CLYBL: variants seen among roughly 807,000 people sequenced by gnomAD.
The protein encoded by CLYBL is citramalyl-CoA lyase, mitochondrial.
CLYBL carries 31 observed loss-of-function variants against 38.9 expected under a neutral mutation model. That is an observed-to-expected ratio of 0.80 (90% CI 0.60 to 1.08). The LOEUF is 1.08. Among genes scored for constraint, CLYBL ranks in the 50% least tolerant of loss-of-function variants. The pLI is 0.00. For missense variants in CLYBL, 434 were observed against 411.6 expected, an observed-to-expected ratio of 1.05 and a Z score of -0.47; for synonymous variants, 171 against 158.6, an observed-to-expected ratio of 1.08 and a Z score of -0.59.
chr13:99,881,055 A>G (rs2052194093), intron 7 of CLYBL, among the ~76,000 whole-genome samples: 2 of 152,134 alleles, frequency 1.3e-5, no homozygotes, highest in African/African-American at 4.8e-5. Context: ...TGCAACATGA[A>G]TGCCACCCCA....
intron 7 of CLYBL, chr13:99,885,135 G>T (rs750735846): frequency 3.4e-5 from 18 of 523,286 alleles, no homozygotes; most frequent in South Asian, 1.4e-4. Flanking sequence ...TCCCCACAGG[G>T]GCCTCACAGT....
intron 2 of CLYBL, among the ~76,000 whole-genome samples, chr13:99,782,897 C>T (rs1228197907): frequency 6.6e-6 from 1 of 152,104 alleles, no homozygotes; most frequent in Non-Finnish European, 1.5e-5. Flanking sequence ...CTCCTTCTCT[C>T]TTAATATCTT....
chr13:99,792,862 A>G (rs1293958713), intron 2 of CLYBL, among the ~76,000 whole-genome samples: 3 of 152,128 alleles, frequency 2.0e-5, no homozygotes, highest in South Asian at 2.1e-4. Flanking sequence ...AACGCCCAAT[A>G]TCATTCAAAG....
intron 1 of CLYBL, among the ~76,000 whole-genome samples, chr13:99,728,529 C>T (rs554427424): frequency 1.3e-5 from 2 of 151,472 alleles, no homozygotes; most frequent in South Asian, 2.1e-4. Context: ...CCGCCTCCCT[C>T]GGCCTCCCAG....
chr13:99,611,960 G>C (rs2046633034), intron 1 of CLYBL, among the ~76,000 whole-genome samples: 1 of 152,124 alleles, frequency 6.6e-6, no homozygotes, highest in Non-Finnish European at 1.5e-5. Context: ...TTCACCCTTT[G>C]TAAGTGTGTG....
At chr13:99,883,535 TAGC>T (rs2052271683) in intron 7 of CLYBL, among the ~76,000 whole-genome samples, 1 of 143,584 alleles carries the variant, frequency 7.0e-6, no homozygotes, top group African/African-American at 2.7e-5. Context: ...AAAAAAAAAA[TAGC>T]AGAACCAATA....
chr13:99,690,495 G>A (rs2047884974), intron 1 of CLYBL: 1 of 151,934 alleles, frequency 6.6e-6, no homozygotes, highest in Non-Finnish European at 1.5e-5. Flanking sequence ...AGCATTTTAG[G>A]AAGCACCGTA....
chr13:99,649,906 A>G (rs960326617), intron 1 of CLYBL, among the ~76,000 whole-genome samples: 5 of 151,588 alleles, frequency 3.3e-5, no homozygotes, highest in Non-Finnish European at 5.9e-5. Flanking sequence ...TTCATGAAAA[A>G]AAAAGAAAGT....
intron 1 of CLYBL, among the ~76,000 whole-genome samples, chr13:99,629,341 G>A (rs1227915634): frequency 6.6e-6 from 1 of 152,214 alleles, no homozygotes; most frequent in African/African-American, 2.4e-5. Flanking sequence ...CTCCTGACAA[G>A]TACAAATGCG....
At chr13:99,658,500 G>A (rs1055349385) in intron 1 of CLYBL, among the ~76,000 whole-genome samples, 2 of 152,150 alleles carry the variant, frequency 1.3e-5, no homozygotes, top group African/African-American at 4.8e-5. Context: ...CTTTCCTCCT[G>A]TGTCCCTCTC....
At chr13:99,662,905 G>A (rs1299574023) in intron 1 of CLYBL, among the ~76,000 whole-genome samples, 1 of 152,164 alleles carries the variant, frequency 6.6e-6, no homozygotes, top group African/African-American at 2.4e-5. Flanking sequence ...CACTGTTCAA[G>A]GACTTCAGAC....
At chr13:99,781,371 T>G (rs1353476097) in intron 2 of CLYBL, among the ~76,000 whole-genome samples, 1 of 151,792 alleles carries the variant, frequency 6.6e-6, no homozygotes, top group African/African-American at 2.4e-5. Flanking sequence ...GGGGTTTCAC[T>G]GTGTTAGCCA....
At chr13:99,642,097 C>T (rs2047103719) in intron 1 of CLYBL, among the ~76,000 whole-genome samples, 1 of 152,186 alleles carries the variant, frequency 6.6e-6, no homozygotes, top group South Asian at 2.1e-4. Context: ...GGCTCTCAGA[C>T]ACAAGGAAAG....
chr13:99,779,915 AT>A (rs2049604593), intron 2 of CLYBL, among the ~76,000 whole-genome samples: 1 of 152,124 alleles, frequency 6.6e-6, no homozygotes, highest in Admixed American at 6.6e-5. Context: ...TACATTAGCC[AT>A]TTTTTGTAAC....
chr13:99,673,512 A>G (rs899649036), intron 1 of CLYBL, among the ~76,000 whole-genome samples: 1 of 152,150 alleles, frequency 6.6e-6, no homozygotes, highest in African/African-American at 2.4e-5. Context: ...TTGAGAAGGT[A>G]ATATCTGAGC....
chr13:99,610,260 AT>A (rs1291959648), intron 1 of CLYBL, among the ~76,000 whole-genome samples: 1 of 152,158 alleles, frequency 6.6e-6, no homozygotes, highest in Non-Finnish European at 1.5e-5. Context: ...TAAATAGATG[AT>A]TTAATTAGTA....
At chr13:99,785,487 C>CA (rs1430481565) in intron 2 of CLYBL, among the ~76,000 whole-genome samples, 1 of 151,956 alleles carries the variant, frequency 6.6e-6, no homozygotes, top group Non-Finnish European at 1.5e-5. Context: ...TTTAAAAAGC[C>CA]AAATAGTTAT....
intron 1 of CLYBL, among the ~76,000 whole-genome samples, chr13:99,668,559 CTGGG>C (rs1437317712): frequency 7.1e-6 from 1 of 140,646 alleles, no homozygotes; most frequent in African/African-American, 2.7e-5. Flanking sequence ...GCACTCCAGC[CTGGG>C]AGACAGAGCG....
intron 1 of CLYBL, among the ~76,000 whole-genome samples, chr13:99,695,583 G>C (rs988646717): frequency 2.0e-5 from 3 of 152,024 alleles, no homozygotes; most frequent in Admixed American, 2.0e-4. Context: ...GCAGTGGCGT[G>C]ATCTTGGCTC....
Sources: allele counts gnomAD v4.1 joint callset (sites outside exome capture counted in the v4.1 genomes callset), GRCh38; gene constraint gnomAD v4.1.1; transcripts MANE v1.5; gene names NCBI Gene and HGNC (gene_info 2026-07-23, HGNC 2026-07-21).